Variants in HIBADH observed in about 807,000 individuals in gnomAD.
HIBADH encodes the protein 3-hydroxyisobutyrate dehydrogenase.
A neutral mutation model predicts 36.1 loss-of-function variants in HIBADH; 25 were observed. The observed-to-expected ratio is 0.69, with a 90% confidence interval of 0.50 to 0.97. The LOEUF is 0.97. HIBADH is among the 50% of genes least tolerant of loss of function. The pLI, the probability that HIBADH is intolerant of heterozygous loss-of-function variation, is 0.00. For synonymous variants in HIBADH, 160 were observed against 149.5 expected, an observed-to-expected ratio of 1.07 and a Z score of -0.51; for missense variants, 421 against 418.0, an observed-to-expected ratio of 1.01 and a Z score of -0.06.
At chr7:27,554,276 G>A (rs566172055) in intron 4 of HIBADH, among the ~76,000 whole-genome samples, 4 of 152,332 alleles carry the variant, frequency 2.6e-5, no homozygotes, top group Admixed American at 1.3e-4. Flanking sequence ...GCGAGCCACC[G>A]CGCCCAGCCA....
intron 2 of HIBADH, among the ~76,000 whole-genome samples, chr7:27,646,334 A>C (rs1226386305): frequency 1.3e-5 from 2 of 152,180 alleles, no homozygotes; most frequent in Admixed American, 1.3e-4. Flanking sequence ...AATGTCTTTC[A>C]CATTAATTTC....
At chr7:27,592,467 A>C (rs888109795) in intron 4 of HIBADH, among the ~76,000 whole-genome samples, 1 of 152,204 alleles carries the variant, frequency 6.6e-6, no homozygotes, top group African/African-American at 2.4e-5. Context: ...TAAAAACAAT[A>C]AAACAAAAAG....
At chr7:27,655,857 T>C (rs754836432) in intron 1 of HIBADH, among the ~76,000 whole-genome samples, 6 of 152,110 alleles carry the variant, frequency 3.9e-5, no homozygotes, top group Non-Finnish European at 5.9e-5. Context: ...TTTTCTTTGA[T>C]AAAAACTACT....
chr7:27,623,236 A>G (rs992312748), intron 4 of HIBADH, among the ~76,000 whole-genome samples: 4 of 152,178 alleles, frequency 2.6e-5, no homozygotes, highest in Non-Finnish European at 5.9e-5. Context: ...CAAACTAGGC[A>G]TAGAAGGAAC....
At chr7:27,573,815 ATG>A (rs535790459) in intron 4 of HIBADH, among the ~76,000 whole-genome samples, 125 of 152,340 alleles carry the variant, frequency 8.2e-4, no homozygotes, top group African/African-American at 2.9e-3. Context: ...GTATGAAAAA[ATG>A]TGAAGTATCT....
chr7:27,644,230 C>T lies in HIBADH; in HGVS notation c.252+5243G>A, dbSNP rs1327360279. 2.6e-5 allele frequency among the ~76,000 whole-genome samples: 4 copies of T among 152,040 alleles called. No homozygotes were observed. In the East Asian group the frequency reaches 7.7e-4, roughly 29 times the overall value. On this transcript the variant is annotated intron_variant, in intron 2 of 7. Coordinates refer to ENST00000265395, the MANE Select transcript of HIBADH (RefSeq NM_152740.4). ...CCTGTAATCCCAGCACTTTGGGAGG[C>T]CGAGGTGGGCAGATCACGAGGTCAA...
At chr7:27,627,481 T>C (rs1327174018) in intron 4 of HIBADH, among the ~76,000 whole-genome samples, 2 of 152,160 alleles carry the variant, frequency 1.3e-5, no homozygotes, top group African/African-American at 2.4e-5. Flanking sequence ...TTAAACTCTT[T>C]CTCTACTGCA....
intron 7 of HIBADH, among the ~76,000 whole-genome samples, chr7:27,530,630 G>A (rs1470100058): frequency 6.6e-6 from 1 of 152,174 alleles, no homozygotes; most frequent in Non-Finnish European, 1.5e-5. Context: ...ATTATTTTCT[G>A]TAGTTGAGAA....
intron 1 of HIBADH, among the ~76,000 whole-genome samples, chr7:27,656,565 A>G (rs1295198689): frequency 6.6e-6 from 1 of 152,206 alleles, no homozygotes; most frequent in East Asian, 1.9e-4. Context: ...GATACAGTAT[A>G]AGAGAAGAAA....
At chr7:27,551,063 C>A (rs78184126) in intron 4 of HIBADH, among the ~76,000 whole-genome samples, 5,703 of 152,174 alleles carry the variant, frequency 0.037, 340 homozygotes, top group African/African-American at 0.13. Context: ...TTTGGCCAAT[C>A]TACAATGTAT....
intron 2 of HIBADH, 68 bp from the exon 3 acceptor site, chr7:27,632,513 G>T: frequency 9.8e-7 from 1 of 1,021,374 alleles, no homozygotes. Context: ...GCACAAACAG[G>T]ATCCACTTTT....
intron 4 of HIBADH, among the ~76,000 whole-genome samples, chr7:27,592,999 C>T (rs1784969200): frequency 6.6e-6 from 1 of 152,162 alleles, no homozygotes; most frequent in Non-Finnish European, 1.5e-5. Flanking sequence ...CCTTTAAGGT[C>T]ACAATCAATG....
intron 1 of HIBADH, among the ~76,000 whole-genome samples, chr7:27,661,376 G>A (rs901552705): frequency 6.6e-6 from 1 of 152,004 alleles, no homozygotes; most frequent in Non-Finnish European, 1.5e-5. Flanking sequence ...TCACTTGAGC[G>A]CAGGAGTTCA....
At chr7:27,608,505 G>A (rs924501118) in intron 4 of HIBADH, among the ~76,000 whole-genome samples, 9 of 151,966 alleles carry the variant, frequency 5.9e-5, no homozygotes, top group Admixed American at 2.6e-4. Context: ...CAAGAAAATC[G>A]GACTTCTTGA....
chr7:27,639,139 G>A (rs966726423), intron 2 of HIBADH, among the ~76,000 whole-genome samples: 2 of 152,118 alleles, frequency 1.3e-5, no homozygotes, highest in East Asian at 1.9e-4. Flanking sequence ...ACATGCACCC[G>A]TATGTTCATC....
chr7:27,619,238 A>G (rs1446801173), intron 4 of HIBADH, among the ~76,000 whole-genome samples: 1 of 152,176 alleles, frequency 6.6e-6, no homozygotes, highest in Non-Finnish European at 1.5e-5. Flanking sequence ...TGACTATAAT[A>G]CTGCATGCAA....
In HIBADH at chr7:27,526,181, G is replaced by A; in HGVS notation, c.*33C>T. The A allele has an allele frequency of 6.4e-7, 1 of 1,559,208 alleles. No homozygotes were observed. Among genetic ancestry groups the A allele is most frequent in the Non-Finnish European group, 8.7e-7 (1 of 1,154,832 alleles). ...AAAGGAGGCTCCAAGACAGAGTTTG[G>A]TTCCCAACAGTGTCCGTGGCCAAAG... On this transcript the variant is annotated 3_prime_UTR_variant, in exon 8 of 8. Coordinates refer to ENST00000265395, the MANE Select transcript of HIBADH (RefSeq NM_152740.4).
intron 1 of HIBADH, among the ~76,000 whole-genome samples, chr7:27,653,701 C>A (rs1488822270): frequency 7.9e-5 from 12 of 151,408 alleles, no homozygotes; most frequent in Admixed American, 7.9e-4. Flanking sequence ...CGCACCACTG[C>A]ACTCCAGCCT....
chr7:27,650,697 T>A (rs1279915208), intron 1 of HIBADH, among the ~76,000 whole-genome samples: 2 of 135,356 alleles, frequency 1.5e-5, no homozygotes, highest in Non-Finnish European at 3.1e-5. Context: ...TTCACCATGT[T>A]GACCAGGCTG....
Sources: gnomAD v4.1 joint callset for allele counts (sites outside exome capture counted in the v4.1 genomes callset) on GRCh38, gnomAD v4.1.1 for gene constraint, MANE v1.5 for transcripts, NCBI Gene and HGNC (gene_info 2026-07-23, HGNC 2026-07-21) for gene names.